MAGI2: variants seen among roughly 807,000 people sequenced by gnomAD.
MAGI2 encodes the protein membrane-associated guanylate kinase, WW and PDZ domain-containing protein 2.
Under a neutral mutation model 133.3 loss-of-function variants are expected in MAGI2, and 35 were observed. The observed-to-expected ratio is 0.26, with a 90% CI of 0.20 to 0.35. MAGI2 has a LOEUF of 0.35. Ranked by LOEUF, MAGI2 falls within the 10% of genes least tolerant of loss-of-function variation. The probability of loss-of-function intolerance (pLI) is 1.00; values close to 1 mark genes in which losing one functional copy is unlikely to be tolerated. For synonymous variants in MAGI2, 729 were observed against 710.6 expected (o/e 1.03, Z -0.41); for missense variants, 1,636 against 1,863.4 (o/e 0.88, Z 2.25).
intron 1 of MAGI2, among the ~76,000 whole-genome samples, chr7:79,164,386 C>A (rs1417888616): frequency 6.6e-6 from 1 of 151,980 alleles, no homozygotes; most frequent in Non-Finnish European, 1.5e-5. Flanking sequence ...GGTGGCCCTG[C>A]AAAGCTGTCT....
At chr7:79,046,953 T>C (rs189653521) in intron 1 of MAGI2, among the ~76,000 whole-genome samples, 97 of 152,318 alleles carry the variant, frequency 6.4e-4, no homozygotes, top group Non-Finnish European at 1.2e-3. Flanking sequence ...ATCTAGATTC[T>C]GGAAGGAAAA....
chr7:79,344,411 A>G (rs1430062429), intron 1 of MAGI2, among the ~76,000 whole-genome samples: 1 of 152,162 alleles, frequency 6.6e-6, no homozygotes, highest in Non-Finnish European at 1.5e-5. Flanking sequence ...AGATTGCTAC[A>G]TAAATGAGCA....
chr7:78,177,619 T>A (rs1826782074), intron 14 of MAGI2, among the ~76,000 whole-genome samples: 1 of 152,212 alleles, frequency 6.6e-6, no homozygotes, highest in South Asian at 2.1e-4. Flanking sequence ...TTTATCCCTG[T>A]GTTTTATCTC....
At chr7:78,176,950 C>CAT (rs1554487272) in intron 14 of MAGI2, among the ~76,000 whole-genome samples, 11 of 147,346 alleles carry the variant, frequency 7.5e-5, no homozygotes, top group African/African-American at 2.0e-4. Context: ...CACACACACA[C>CAT]ATATATAGTA....
intron 2 of MAGI2, among the ~76,000 whole-genome samples, chr7:78,781,786 A>C (rs1407812165): frequency 6.6e-6 from 1 of 152,242 alleles, no homozygotes; most frequent in Non-Finnish European, 1.5e-5. Context: ...GAATGTTAAC[A>C]TCAGAAAAAA....
At chr7:78,317,112 T>C (rs904621055) in intron 9 of MAGI2, among the ~76,000 whole-genome samples, 2 of 152,222 alleles carry the variant, frequency 1.3e-5, no homozygotes, top group African/African-American at 4.8e-5. Flanking sequence ...AAAACAACTA[T>C]TGCATATTGA....
chr7:78,067,109 TG>T (rs1351422616), intron 21 of MAGI2, among the ~76,000 whole-genome samples: 1 of 152,202 alleles, frequency 6.6e-6, no homozygotes, highest in African/African-American at 2.4e-5. Context: ...AGGAAGCACA[TG>T]CTTAACAATA....
At chr7:79,002,875 G>C (rs1438434564) in intron 2 of MAGI2, among the ~76,000 whole-genome samples, 1 of 148,916 alleles carries the variant, frequency 6.7e-6, no homozygotes, top group East Asian at 2.0e-4. Context: ...GTGTGTGTGT[G>C]TGTGTGTGTG....
intron 5 of MAGI2, chr7:78,490,152 C>T (rs1793468757): frequency 2.7e-6 from 1 of 372,960 alleles, no homozygotes; most frequent in Non-Finnish European, 4.8e-6. Flanking sequence ...CAGGATTCTC[C>T]AGTTGGAAGA....
chr7:79,237,100 T>G (rs370423991), intron 1 of MAGI2, among the ~76,000 whole-genome samples: 2 of 152,158 alleles, frequency 1.3e-5, no homozygotes, highest in Admixed American at 1.3e-4. Flanking sequence ...TTAAATAGTA[T>G]GAGAAAGTAG....
chr7:78,544,087 C>G (rs754229963), intron 3 of MAGI2, among the ~76,000 whole-genome samples: 2 of 152,214 alleles, frequency 1.3e-5, no homozygotes, highest in Non-Finnish European at 2.9e-5. Context: ...TGAATTACAG[C>G]TCTTCCGACA....
chr7:78,019,940 G>T lies in MAGI2; in HGVS notation c.3743C>A (p.Ala1248Asp), dbSNP rs1412843226. ...GACGCCTACTTCCGGCAGACCTGGG[G>T]CGGCGGCAGCGGGAGAACTCCAGGG... The part of the protein sequence containing the change: ...PAPWSSPAAA[A>D]PGLPEVGVSL... Residue 1248 changes from alanine to aspartate, a missense_variant, in exon 22 of 22, where the codon GCC becomes GAC. Ala to Asp is a moderately radical substitution (Grantham distance 126, BLOSUM62 -2). Coordinates refer to ENST00000354212, the MANE Select transcript of MAGI2 (RefSeq NM_012301.4). 3.7e-6 allele frequency: 6 copies of T among 1,608,982 alleles called. No individual in the cohort carries two copies. Among genetic ancestry groups the T allele is most frequent in the Non-Finnish European group, 4.2e-6 (5 of 1,178,218 alleles).
chr7:79,331,512 C>T (rs1052265054), intron 1 of MAGI2, among the ~76,000 whole-genome samples: 3 of 152,138 alleles, frequency 2.0e-5, no homozygotes, highest in Non-Finnish European at 4.4e-5. Context: ...TTAACTCCCA[C>T]ACATTGACTA....
intron 9 of MAGI2, among the ~76,000 whole-genome samples, chr7:78,288,764 G>C (rs1372974743): frequency 6.6e-6 from 1 of 152,204 alleles, no homozygotes; most frequent in Non-Finnish European, 1.5e-5. Context: ...CCAGAGGAAG[G>C]ATCAGGCAGC....
chr7:78,152,072 C>T (rs1823931987), intron 16 of MAGI2, among the ~76,000 whole-genome samples: 1 of 152,078 alleles, frequency 6.6e-6, no homozygotes, highest in Non-Finnish European at 1.5e-5. Flanking sequence ...AGTGAAATGA[C>T]TATAATAGCA....
chr7:78,052,796 T>G (rs1408380587), intron 21 of MAGI2, among the ~76,000 whole-genome samples: 2 of 152,134 alleles, frequency 1.3e-5, no homozygotes, highest in Admixed American at 6.6e-5. Context: ...TCTTCAAAGT[T>G]ACCCTGAGGA....
intron 1 of MAGI2, among the ~76,000 whole-genome samples, chr7:79,164,467 C>T (rs1238892790): frequency 1.3e-5 from 2 of 151,686 alleles, no homozygotes; most frequent in African/African-American, 4.8e-5. Flanking sequence ...TTTTTCCAGG[C>T]CCTCCCAATA....
chr7:78,975,393 T>C (rs1804157923), intron 2 of MAGI2, among the ~76,000 whole-genome samples: 1 of 151,612 alleles, frequency 6.6e-6, no homozygotes, highest in Non-Finnish European at 1.5e-5. Flanking sequence ...CCCCTAGTAT[T>C]TGGGCACTGA....
At chr7:78,977,475 GAAAGAAAGAAAGAAAGAAAGAA>G (rs1562741759) in intron 2 of MAGI2, among the ~76,000 whole-genome samples, 1 of 3,576 alleles carries the variant, frequency 2.8e-4, no homozygotes, top group African/African-American at 5.9e-4. Flanking sequence ...AAGAAAGAAA[GAAAGAAAGAAAGAAAGAAAGAA>G]AGAAAGAAAG....
Sources: allele counts gnomAD v4.1 joint callset (sites outside exome capture counted in the v4.1 genomes callset), GRCh38; gene constraint gnomAD v4.1.1; transcripts MANE v1.5; gene names NCBI Gene and HGNC (gene_info 2026-07-23, HGNC 2026-07-21).